Variants in RTL4 observed in about 807,000 individuals in gnomAD.
RTL4 encodes retrotransposon Gag like 4, also known as retrotransposon Gag-like protein 4.
In RTL4, 4 loss-of-function variants were observed where a neutral mutation model predicts 5.3. The observed-to-expected ratio is 0.75, with a 90% CI of 0.37 to 1.72. The LOEUF is 1.72. RTL4 is among the 40% of genes most tolerant of loss of function. The pLI is 0.04. For synonymous variants in RTL4, 98 were observed against 87.3 expected (o/e 1.12, Z -0.68); for missense variants, 260 against 227.1 (o/e 1.14, Z -0.93).
chrX:112,245,882 G>C, the RTL4 span, among the ~76,000 whole-genome samples: 89 of 112,089 alleles, frequency 7.9e-4, 1 homozygote, highest in African/African-American at 2.8e-3. Flanking sequence ...TGGGGTTTTG[G>C]TGTGGATGTT....
the RTL4 span, among the ~76,000 whole-genome samples, chrX:112,419,960 A>G: frequency 9.0e-6 from 1 of 110,662 alleles, no homozygotes; most frequent in Non-Finnish European, 1.9e-5. Context: ...AGAAAATTAC[A>G]TTCACACCAG....
chrX:112,326,114 T>G, the RTL4 span, among the ~76,000 whole-genome samples: 3 of 111,664 alleles, frequency 2.7e-5, no homozygotes, highest in Admixed American at 9.5e-5. Context: ...CTCACACCAG[T>G]TAGAATGGCG....
At chrX:112,250,069 G>A in the RTL4 span, among the ~76,000 whole-genome samples, 1 of 110,026 alleles carries the variant, frequency 9.1e-6, no homozygotes, top group African/African-American at 3.3e-5. Context: ...GAGGTCAGGA[G>A]ATCGAGACCA....
chrX:112,117,644 A>T, the RTL4 span, among the ~76,000 whole-genome samples: 3,920 of 111,288 alleles, frequency 0.035, 81 homozygotes, highest in Non-Finnish European at 0.053. Context: ...GTATTTTTTT[A>T]AAAAAAGACA....
the RTL4 span, among the ~76,000 whole-genome samples, chrX:112,241,178 A>C: frequency 9.1e-6 from 1 of 110,404 alleles, no homozygotes; most frequent in African/African-American, 3.3e-5. Context: ...AGATTATATA[A>C]ATATAATCAA....
At chrX:112,108,588 G>A in the RTL4 span, among the ~76,000 whole-genome samples, 5 of 111,048 alleles carry the variant, frequency 4.5e-5, no homozygotes, top group African/African-American at 1.6e-4. Flanking sequence ...GACCTACTCG[G>A]GTAGATCTAT....
the RTL4 span, among the ~76,000 whole-genome samples, chrX:112,166,039 A>C: frequency 8.9e-6 from 1 of 112,273 alleles, no homozygotes; most frequent in Admixed American, 9.4e-5. Context: ...CTCCATCCAA[A>C]GGATCAGTCC....
At chrX:112,121,903 A>G in the RTL4 span, among the ~76,000 whole-genome samples, 10 of 111,966 alleles carry the variant, frequency 8.9e-5, no homozygotes, top group Non-Finnish European at 1.7e-4. Context: ...AAAGCATTTA[A>G]TAAAATTTAA....
chrX:112,108,820 C>T, the RTL4 span, among the ~76,000 whole-genome samples: 1 of 111,282 alleles, frequency 9.0e-6, no homozygotes, highest in Admixed American at 9.5e-5. Context: ...GAGATAAAGT[C>T]CACTGTGCAG....
chrX:112,401,549 A>T, the RTL4 span, among the ~76,000 whole-genome samples: 1 of 111,980 alleles, frequency 8.9e-6, no homozygotes, highest in African/African-American at 3.2e-5. Context: ...TCTTAGAGAG[A>T]AATAACTTAT....
chrX:112,201,754 A>G, the RTL4 span, among the ~76,000 whole-genome samples: 16 of 111,675 alleles, frequency 1.4e-4, no homozygotes, highest in African/African-American at 5.2e-4. Context: ...CTTTTTAAAT[A>G]TGCATTGATT....
the RTL4 span, among the ~76,000 whole-genome samples, chrX:112,089,259 C>T: frequency 1.8e-5 from 2 of 110,933 alleles, no homozygotes; most frequent in African/African-American, 6.5e-5. Context: ...TATCCCTCCC[C>T]CCTGGAATCT....
At chrX:112,333,186 A>G in the RTL4 span, among the ~76,000 whole-genome samples, 2 of 110,729 alleles carry the variant, frequency 1.8e-5, no homozygotes, top group Non-Finnish European at 3.8e-5. Context: ...TTTAATCTAA[A>G]GTGACTCTTG....
chrX:112,101,087 C>G, the RTL4 span, among the ~76,000 whole-genome samples: 10 of 111,708 alleles, frequency 9.0e-5, no homozygotes, highest in Non-Finnish European at 1.9e-4. Flanking sequence ...CATATTTTTA[C>G]TAAATTTTCA....
At chrX:112,455,696 T>A (rs1200909474) in exon 1 of RTL4, 1 of 1,136,131 alleles carries the variant, frequency 8.8e-7, no homozygotes, top group African/African-American at 1.8e-5. Flanking sequence ...TAAACTTACA[T>A]CCCAGCCTTA....
At chrX:112,284,759 A>G in the RTL4 span, among the ~76,000 whole-genome samples, 2 of 111,637 alleles carry the variant, frequency 1.8e-5, no homozygotes, top group Middle Eastern at 4.6e-3. Context: ...TTAATTCTTG[A>G]CAACTCATTG....
the RTL4 span, among the ~76,000 whole-genome samples, chrX:112,110,101 G>A: frequency 8.9e-6 from 1 of 112,166 alleles, no homozygotes; most frequent in Admixed American, 9.4e-5. Flanking sequence ...CCCAACTCCA[G>A]AGGGTGGTAT....
chrX:112,193,042 G>T, the RTL4 span, among the ~76,000 whole-genome samples: 23 of 111,568 alleles, frequency 2.1e-4, no homozygotes, highest in African/African-American at 6.8e-4. Flanking sequence ...TGGTTGACAG[G>T]TTTTTTATTC....
chrX:112,310,624 ATTATG>A, the RTL4 span, among the ~76,000 whole-genome samples: 14 of 53,081 alleles, frequency 2.6e-4, no homozygotes, highest in African/African-American at 1.2e-3. Flanking sequence ...ATTTATATAT[ATTATG>A]TTTATATATT....
Sources: gnomAD v4.1 joint callset for allele counts (sites outside exome capture counted in the v4.1 genomes callset) on GRCh38, gnomAD v4.1.1 for gene constraint, MANE v1.5 for transcripts, NCBI Gene and HGNC (gene_info 2026-07-23, HGNC 2026-07-21) for gene names.